The following IWS1 variants were observed in gnomAD, a reference collection of about 807,000 sequenced individuals.
The protein encoded by IWS1 is protein IWS1 homolog.
In IWS1, 27 loss-of-function variants were observed where a neutral mutation model predicts 86.7. The observed-to-expected ratio is 0.31, with a 90% CI of 0.23 to 0.43. IWS1 has a LOEUF of 0.43. Among genes scored for constraint, IWS1 ranks in the 20% least tolerant of loss-of-function variants. The pLI, the probability that IWS1 is intolerant of heterozygous loss-of-function variation, is 1.00. For synonymous variants in IWS1, 313 were observed against 335.1 expected (o/e 0.93, Z 0.72); for missense variants, 827 against 1,000.8 (o/e 0.83, Z 2.34).
intron 2 of IWS1, among the ~76,000 whole-genome samples, chr2:127,518,368 T>C (rs1204911487): frequency 6.6e-6 from 1 of 151,928 alleles, no homozygotes; most frequent in East Asian, 1.9e-4. Flanking sequence ...ATACAAAAAT[T>C]AGCTGGGCAT....
intron 2 of IWS1, among the ~76,000 whole-genome samples, chr2:127,506,229 G>A (rs536953261): frequency 5.9e-5 from 9 of 152,060 alleles, no homozygotes; most frequent in Non-Finnish European, 1.0e-4. Flanking sequence ...TTAGCTGGGC[G>A]TGGTGGTGGA....
chr2:127,516,002 ACCTTGGGTG>A (rs1227426723), intron 2 of IWS1, among the ~76,000 whole-genome samples: 2 of 152,126 alleles, frequency 1.3e-5, no homozygotes, highest in African/African-American at 4.8e-5. Flanking sequence ...AGAAGGCTCT[ACCTTGGGTG>A]GACCACACTG....
At chr2:127,493,858 A>G (rs1316429914) in intron 8 of IWS1, among the ~76,000 whole-genome samples, 1 of 151,848 alleles carries the variant, frequency 6.6e-6, no homozygotes, top group Non-Finnish European at 1.5e-5. Context: ...AAAAAAACTC[A>G]ATAAAATAAT....
chr2:127,523,148 T>C (rs1692195055), intron 2 of IWS1, among the ~76,000 whole-genome samples: 1 of 152,074 alleles, frequency 6.6e-6, no homozygotes, highest in Admixed American at 6.6e-5. Context: ...AGGCAGAGGC[T>C]GCAGTGAGCC....
chr2:127,504,716 A>G lies in IWS1; in HGVS notation c.1187T>C (p.Val396Ala). ...CTCTTCATCTTCACTATCAGAAAGCACAGCAGCTTTTCTCTTCGCTACTTT... is the reference window on the plus strand; with the variant it reads ...CTCTTCATCTTCACTATCAGAAAGCGCAGCAGCTTTTCTCTTCGCTACTTT... ...EEKVAKRKAA[V>A]LSDSEDEEKA... The change falls in exon 3 of 14, where the codon GTG becomes GCG. Residue 396 changes from valine to alanine, a missense_variant. This residue lies in a region of IWS1 where 548 missense variants were observed against 560.2 expected (regional missense o/e 0.98). Coordinates refer to ENST00000295321, the MANE Select transcript of IWS1 (RefSeq NM_017969.3). 6.2e-7 allele frequency: 1 copy of G among 1,610,510 alleles called. No individual in the cohort carries two copies. Among genetic ancestry groups the G allele is most frequent in the Non-Finnish European group, 8.5e-7 (1 of 1,178,598 alleles).
At chr2:127,490,086 T>C (rs1690144937) in intron 10 of IWS1, 143 bp from the exon 11 acceptor site, 1 of 629,058 alleles carries the variant, frequency 1.6e-6, no homozygotes, top group Non-Finnish European at 2.8e-6. Context: ...GAGTAATTTA[T>C]AGGATAAACA....
At chr2:127,525,658 AG>A (rs1302316373) in intron 1 of IWS1, among the ~76,000 whole-genome samples, 1 of 152,236 alleles carries the variant, frequency 6.6e-6, no homozygotes, top group Admixed American at 6.5e-5. Flanking sequence ...GAGGAGGAAG[AG>A]GAACGATCTC....
At chr2:127,504,358 T>C (rs1488289768) in intron 3 of IWS1, among the ~76,000 whole-genome samples, 1 of 152,128 alleles carries the variant, frequency 6.6e-6, no homozygotes. Context: ...TTAATACAGT[T>C]AGGGGTTTTT....
At position 127,504,756 on chromosome 2, in the gene IWS1, CT is replaced by C; in HGVS notation, c.1146del (p.Glu383ArgfsTer7). On this transcript the variant is annotated frameshift_variant, in exon 3 of 14. Coordinates refer to ENST00000295321, the MANE Select transcript of IWS1 (RefSeq NM_017969.3). LOFTEE classifies it high-confidence loss of function. ...KQKMDSDEDE[K>X]EGEEEKVAKR... is the part of the protein sequence containing the mutation. ...TTCGCTACTTTCTCCTCCTCACCCT[CT>C]TTTTCATCTTCATCACTGTCCATTT... The C allele has an allele frequency of 6.2e-7, 1 of 1,614,148 alleles. No homozygotes were observed. The highest frequency in any genetic ancestry group is 8.5e-7 in the Non-Finnish European group (1 of 1,180,030).
chr2:127,518,445 T>C (rs547107093), intron 2 of IWS1, among the ~76,000 whole-genome samples: 2 of 152,000 alleles, frequency 1.3e-5, no homozygotes, highest in East Asian at 1.9e-4. Context: ...GCGTGGGAGG[T>C]TGAGGCTGCA....
At chr2:127,488,918 T>C (rs1690071308) in intron 12 of IWS1, among the ~76,000 whole-genome samples, 1 of 152,224 alleles carries the variant, frequency 6.6e-6, no homozygotes, top group South Asian at 2.1e-4. Flanking sequence ...TATTTTTAAT[T>C]TGTTTTTATA....
chr2:127,510,881 G>T (rs562548120), intron 2 of IWS1, among the ~76,000 whole-genome samples: 1 of 152,168 alleles, frequency 6.6e-6, no homozygotes, highest in African/African-American at 2.4e-5. Context: ...AATCACTTGG[G>T]GAACTTTGGA....
chr2:127,511,962 C>A (rs552672976), intron 2 of IWS1, among the ~76,000 whole-genome samples: 1 of 152,312 alleles, frequency 6.6e-6, no homozygotes, highest in Admixed American at 6.5e-5. Flanking sequence ...CAGACTTTTT[C>A]TTTTACTCAA....
intron 13 of IWS1, among the ~76,000 whole-genome samples, chr2:127,485,108 GGAGA>G (rs748897338): frequency 2.6e-5 from 4 of 151,938 alleles, no homozygotes; most frequent in Non-Finnish European, 4.4e-5. Context: ...GAAAGAGGAG[GGAGA>G]GAGAGAGGAG....
Position 127,480,992 on chromosome 2 carries a change from G to C in IWS1, c.*52C>G. 6.4e-7 allele frequency: 1 copy of C among 1,551,284 alleles called. No homozygotes were observed. The highest frequency in any genetic ancestry group is 1.7e-4 in the Middle Eastern group (1 of 5,774). On this transcript the variant is annotated 3_prime_UTR_variant, in exon 14 of 14. Coordinates refer to ENST00000295321, the MANE Select transcript of IWS1 (RefSeq NM_017969.3). ...TTTTAAAATATCTTCTTTCTCCAAA[G>C]AGTCCATTGCGCATTTCTTAGAGTA... is the stretch of plus-strand genomic sequence containing the variant.
At chr2:127,504,043 G>C (rs1459702690) in intron 3 of IWS1, among the ~76,000 whole-genome samples, 1 of 152,178 alleles carries the variant, frequency 6.6e-6, no homozygotes, top group African/African-American at 2.4e-5. Context: ...CAAATTGACA[G>C]CATGTCTGGT....
chr2:127,503,440 T>C lies in IWS1; in HGVS notation c.1356A>G (p.Lys452=). ...TCCCAAACAGATCCTTCTCTTCATT[T>C]TTCTTATCAGACAATTCTTTCCCAG... ...EEAGKELSDK[K]NEEKDLFGSD... is the part of the protein sequence containing the mutation. Residue 452 remains lysine (K), a synonymous_variant, in exon 4 of 14, where the codon AAA becomes AAG. Transcript: ENST00000295321. The C allele has an allele frequency of 6.2e-7, 1 of 1,613,658 alleles. No homozygotes were observed. The highest frequency in any genetic ancestry group is 8.5e-7 in the Non-Finnish European group (1 of 1,179,820).
At position 127,493,383 on chromosome 2, in the gene IWS1, G is replaced by C; in HGVS notation, c.1827C>G (p.Asp609Glu). 13 of 1,610,540 alleles carry C rather than the reference G, an allele frequency of 8.1e-6. No individual in the cohort carries two copies. The highest frequency in any genetic ancestry group is 1.1e-5 in the Non-Finnish European group (13 of 1,178,808). Residue 609 changes from aspartate (D) to glutamate (E), a missense_variant, in exon 9 of 14, where the codon GAC becomes GAG. Around this residue, in one of 2 missense-constraint regions of IWS1, gnomAD observed 279 missense variants for 440.6 expected, o/e 0.63. Coordinates refer to ENST00000295321, the MANE Select transcript of IWS1 (RefSeq NM_017969.3). ...KKQDLKETFI[D>E]SGVMSAIKEW... ...CTTTGATGGCAGACATCACACCACT[G>C]TCAATGAATGTTTCTTTAAGGTCCT...
chr2:127,481,098 G>C lies in IWS1; in HGVS notation c.2406C>G (p.Ser802Arg). ...MRKFTDIRKK[S>R]RSAHAVKISI... ...TGATTTTCACTGCGTGTGCAGATCT[G>C]CTTTTTTTCCTTATATCTGTGAACT... Residue 802 changes from serine to arginine, a missense_variant, in exon 14 of 14, where the codon AGC (serine) becomes AGG (arginine). By Grantham distance (110) the Ser-to-Arg change is moderately radical. Coordinates refer to ENST00000295321, the MANE Select transcript of IWS1 (RefSeq NM_017969.3). The C allele has an allele frequency of 6.2e-7, 1 of 1,611,868 alleles. No homozygotes were observed. The highest frequency in any genetic ancestry group is 8.5e-7 in the Non-Finnish European group (1 of 1,179,318).
Sources: allele counts gnomAD v4.1 joint callset (sites outside exome capture counted in the v4.1 genomes callset), GRCh38; gene constraint gnomAD v4.1.1; regional missense constraint gnomAD v4.1.1; transcripts MANE v1.5; gene names NCBI Gene and HGNC (gene_info 2026-07-23, HGNC 2026-07-21).